GATA4: variants seen among roughly 807,000 people sequenced by gnomAD.
GATA4 encodes the protein GATA binding protein 4.
Under a neutral mutation model 37.9 loss-of-function variants are expected in GATA4, and 7 were observed. The observed-to-expected ratio is 0.18, with a 90% CI of 0.11 to 0.35. GATA4 has a LOEUF of 0.35. Among genes scored for constraint, GATA4 ranks in the 10% least tolerant of loss-of-function variants. GATA4 has a pLI of 1.00. For missense variants in GATA4, 647 were observed against 653.0 expected (o/e 0.99, Z 0.10); for synonymous variants, 372 against 292.6 (o/e 1.27, Z -2.77).
intron 2 of GATA4, among the ~76,000 whole-genome samples, chr8:11,739,131 A>G: frequency 6.6e-6 from 1 of 152,242 alleles, no homozygotes; most frequent in Non-Finnish European, 1.5e-5. Flanking sequence ...GAAATTGAAG[A>G]AAATAAACAT....
At chr8:11,701,219 C>G (rs1799664040), upstream of GATA4, among the ~76,000 whole-genome samples, 1 of 143,976 alleles carries the variant, frequency 6.9e-6, no homozygotes, top group Non-Finnish European at 1.5e-5. Context: ...CGACCTGACA[C>G]TGGGTCATTA....
At chr8:11,757,590 G>A (rs1453167527) in intron 6 of GATA4, among the ~76,000 whole-genome samples, 1 of 152,222 alleles carries the variant, frequency 6.6e-6, no homozygotes, top group Admixed American at 6.5e-5. Flanking sequence ...GAGGAAGCTG[G>A]CATGGGGAAA....
chr8:11,748,130 A>G (rs1236411342), intron 2 of GATA4, among the ~76,000 whole-genome samples: 2 of 152,216 alleles, frequency 1.3e-5, no homozygotes, highest in Non-Finnish European at 2.9e-5. Flanking sequence ...AGGCAGGAGA[A>G]TCGCGTGAAC....
At position 11,709,520 on chromosome 8, in the gene GATA4, G is replaced by A. The variant is rs1285158190; in HGVS notation, c.616+592G>A. On this transcript the variant is annotated intron_variant, in intron 2 of 6. Coordinates refer to ENST00000532059, the MANE Select transcript of GATA4 (RefSeq NM_001308093.3). The surrounding 1 kb of genome is among the most constrained non-coding windows in gnomAD (Gnocchi z 4.3). The stretch of plus-strand genomic sequence containing the variant: ...CGCCGGGGAGATGCGCGGAACAGGA[G>A]CCGGCACTGTGCGGGTGCCACCCGG... Among the ~76,000 whole-genome samples, 1 of 149,460 alleles carries A rather than the reference G, an allele frequency of 6.7e-6. No homozygotes were observed. The highest frequency in any genetic ancestry group is 2.0e-4 in the East Asian group (1 of 4,918).
Position 11,684,580 on chromosome 8 carries a change from G to A in GATA4, c.-274+7517G>A, listed in dbSNP as rs77279567. ...TTAGACTCCAGTATTAGAATGTTGT[G>A]ATTTGAATTCCATCTCCTCCACTCA... On this transcript the variant is annotated intron_variant, in intron 1 of 6. Transcript: ENST00000528712. Among the ~76,000 whole-genome samples the A allele has an allele frequency of 2.8e-3, 422 of 152,310 alleles. 3 individuals are homozygous for A. Among genetic ancestry groups the A allele is most frequent in the African/African-American group, 9.6e-3 (401 of 41,566 alleles).
chr8:11,702,036 G>A (rs1799693559), upstream of GATA4, among the ~76,000 whole-genome samples: 1 of 152,204 alleles, frequency 6.6e-6, no homozygotes, highest in Non-Finnish European at 1.5e-5. The surrounding 1 kb of genome is among the most constrained non-coding windows in gnomAD (Gnocchi z 4.4). Context: ...GCCTGTTATA[G>A]CCCCACCAGT....
chr8:11,689,144 A>C (rs1340543979), upstream of GATA4, among the ~76,000 whole-genome samples: 1 of 152,206 alleles, frequency 6.6e-6, no homozygotes, highest in Non-Finnish European at 1.5e-5. Flanking sequence ...CCCATGGGTC[A>C]ATTCACTGTC....
chr8:11,681,247 C>T (rs1798961487), intron 1 of GATA4: 6 of 985,360 alleles, frequency 6.1e-6, no homozygotes, highest in East Asian at 1.1e-4. Context: ...ACTTACAGCT[C>T]GTCTGGGAGC....
chr8:11,701,572 C>T (rs1453361908), upstream of GATA4, among the ~76,000 whole-genome samples: 1 of 152,104 alleles, frequency 6.6e-6, no homozygotes, highest in Non-Finnish European at 1.5e-5. Flanking sequence ...TCCCGCTTGG[C>T]CCAAGGGAGG....
chr8:11,749,279 C>T lies in GATA4; in HGVS notation c.786+194C>T, dbSNP rs1711156622. Among the ~76,000 whole-genome samples the T allele has an allele frequency of 6.6e-6, 1 of 152,230 alleles. No individual in the cohort carries two copies. Among genetic ancestry groups the T allele is most frequent in the African/African-American group, 2.4e-5 (1 of 41,454 alleles). On this transcript the variant is annotated intron_variant, in intron 3 of 6. Transcript: ENST00000532059. The surrounding 1 kb of genome is among the most constrained non-coding windows in gnomAD (Gnocchi z 4.6). ...AATGATCCAGGCTGTCTAGTTCAAC[C>T]TCTTCGGCACACAGAAACTGAAAGT...
At chr8:11,720,620 G>C (rs1166314788) in intron 2 of GATA4, among the ~76,000 whole-genome samples, 3 of 152,098 alleles carry the variant, frequency 2.0e-5, no homozygotes, top group African/African-American at 7.2e-5. Context: ...CTCTCAATTA[G>C]ATACCAGCAT....
intron 1 of GATA4, chr8:11,693,023 G>A (rs1435978387): frequency 6.5e-5 from 64 of 985,260 alleles, no homozygotes; most frequent in Non-Finnish European, 7.6e-5. Flanking sequence ...CGAGGCTTCT[G>A]CCAGCGCCTG....
intron 1 of GATA4, among the ~76,000 whole-genome samples, chr8:11,697,066 C>T (rs1017248553): frequency 1.3e-5 from 2 of 152,206 alleles, no homozygotes; most frequent in African/African-American, 2.4e-5. Context: ...GAGTGACATC[C>T]TGCCAGTGCC....
upstream of GATA4, among the ~76,000 whole-genome samples, chr8:11,687,869 T>C (rs542768502): frequency 6.6e-6 from 1 of 152,326 alleles, no homozygotes; most frequent in East Asian, 1.9e-4. Context: ...CTGCCCCCGT[T>C]TCATTTGGCA....
chr8:11,691,045 A>T (rs558327712), upstream of GATA4, among the ~76,000 whole-genome samples: 4 of 152,324 alleles, frequency 2.6e-5, no homozygotes, highest in South Asian at 8.3e-4. Flanking sequence ...TTCTTCATCT[A>T]TAAAATGGAG....
chr8:11,732,411 C>A (rs368963836), intron 2 of GATA4, among the ~76,000 whole-genome samples: 90 of 152,268 alleles, frequency 5.9e-4, no homozygotes, highest in Admixed American at 2.0e-3. Flanking sequence ...CAGAGAAGCT[C>A]CGTTTCATCT....
chr8:11,742,342 C>T (rs1247153987), intron 2 of GATA4, among the ~76,000 whole-genome samples: 1 of 151,428 alleles, frequency 6.6e-6, no homozygotes, highest in Admixed American at 6.6e-5. Flanking sequence ...TCCTCTATCT[C>T]TCTACGTTCC....
At chr8:11,753,141 A>C (rs1802381577) in intron 4 of GATA4, among the ~76,000 whole-genome samples, 1 of 152,242 alleles carries the variant, frequency 6.6e-6, no homozygotes, top group African/African-American at 2.4e-5. Flanking sequence ...AATTGCAGAA[A>C]GATGTAAACA....
At chr8:11,680,798 C>A in intron 1 of GATA4, 2 of 985,372 alleles carry the variant, frequency 2.0e-6, no homozygotes, top group Non-Finnish European at 2.4e-6. Flanking sequence ...GCCCCTCGCC[C>A]TGCTCACCCC....
Sources: allele counts gnomAD v4.1 joint callset (sites outside exome capture counted in the v4.1 genomes callset), GRCh38; gene constraint gnomAD v4.1.1; non-coding constraint Gnocchi (gnomAD v3.1); transcripts MANE v1.5; gene names NCBI Gene and HGNC (gene_info 2026-07-23, HGNC 2026-07-21).